ADAMTS17: variants seen among roughly 807,000 people sequenced by gnomAD.
ADAMTS17 encodes the protein A disintegrin and metalloproteinase with thrombospondin motifs 17.
Under a neutral mutation model 141.5 loss-of-function variants are expected in ADAMTS17, and 113 were observed. That is an observed-to-expected ratio of 0.80 (90% CI 0.69 to 0.93). ADAMTS17 has a LOEUF of 0.93. ADAMTS17 is among the 40% of genes least tolerant of loss of function. The probability of loss-of-function intolerance (pLI) is 0.00; values close to 1 mark genes in which losing one functional copy is unlikely to be tolerated. For synonymous variants in ADAMTS17, 768 were observed against 630.6 expected, an observed-to-expected ratio of 1.22 and a Z score of -3.27; for missense variants, 1,659 against 1,517.9, an observed-to-expected ratio of 1.09 and a Z score of -1.54.
chr15:100,268,128 G>A (rs548510294), intron 4 of ADAMTS17, among the ~76,000 whole-genome samples: 1 of 85,042 alleles, frequency 1.2e-5, no homozygotes, highest in Admixed American at 1.6e-4. Context: ...AAGGACGTGA[G>A]TTGTTCTTTT....
At chr15:100,056,542 G>T (rs1001682490) in intron 15 of ADAMTS17, among the ~76,000 whole-genome samples, 1 of 152,100 alleles carries the variant, frequency 6.6e-6, no homozygotes, top group Non-Finnish European at 1.5e-5. Flanking sequence ...TCCCTTGCAC[G>T]TGCCATTCAC....
In ADAMTS17 at chr15:99,997,998, T is replaced by C. The variant is rs2060839635; in HGVS notation, c.2592-409A>G. ...GTTTGGCTCTGATTCTCTTTACTTC[T>C]TACCCTCTGCTGGGAGAACAGTCCC... On this transcript the variant is annotated intron_variant, in intron 18 of 21. Transcript: ENST00000268070. This position sits in a 1 kb window ranked among gnomAD's most constrained non-coding sequence, Gnocchi z 4.7. Among the ~76,000 whole-genome samples the C allele has an allele frequency of 6.6e-6, 1 of 152,184 alleles. No individual in the cohort carries two copies.
chr15:100,301,579 C>T (rs921997198), intron 3 of ADAMTS17, among the ~76,000 whole-genome samples: 1 of 151,316 alleles, frequency 6.6e-6, no homozygotes, highest in East Asian at 1.9e-4. Context: ...TTGTGATCCA[C>T]CTCAGCCTCC....
At chr15:100,078,215 CTTTTTT>C (rs201915809) in intron 15 of ADAMTS17, among the ~76,000 whole-genome samples, 1 of 141,778 alleles carries the variant, frequency 7.1e-6, no homozygotes, top group African/African-American at 2.5e-5. Context: ...AAAATCCCAG[CTTTTTT>C]TTTTTTTTGC....
chr15:100,127,150 CGGTG>C (rs1288958389), intron 12 of ADAMTS17, among the ~76,000 whole-genome samples: 1 of 152,118 alleles, frequency 6.6e-6, no homozygotes, highest in African/African-American at 2.4e-5. Flanking sequence ...GGGGGCTGAA[CGGTG>C]GGTCCCCTCG....
At chr15:99,984,594 G>C (rs745692466) in intron 20 of ADAMTS17, among the ~76,000 whole-genome samples, 7 of 152,150 alleles carry the variant, frequency 4.6e-5, no homozygotes, top group Non-Finnish European at 7.3e-5. Flanking sequence ...CCAGCACTGG[G>C]GTGAATGCTA....
chr15:100,314,688 GA>G lies in ADAMTS17; in HGVS notation c.616+16200del, dbSNP rs944643245. On this transcript the variant is annotated intron_variant, in intron 3 of 21. Transcript: ENST00000268070. ...AGTTATTTTTGAGTCTGGGTGACTG[GA>G]AAAAAAACTGGTGAGAACATGGACA... Among the ~76,000 whole-genome samples the G allele has an allele frequency of 8.3e-4, 127 of 152,104 alleles. 1 individual carries two copies. Among genetic ancestry groups the G allele is most frequent in the South Asian group, 3.5e-3 (17 of 4,812 alleles).
chr15:100,294,729 C>T (rs188750411), intron 3 of ADAMTS17, among the ~76,000 whole-genome samples: 1 of 152,280 alleles, frequency 6.6e-6, no homozygotes, highest in Non-Finnish European at 1.5e-5. Context: ...GTAAGAGGGG[C>T]TCCCCAACAT....
At chr15:100,271,130 T>C (rs866214923) in intron 4 of ADAMTS17, among the ~76,000 whole-genome samples, 1 of 152,194 alleles carries the variant, frequency 6.6e-6, no homozygotes, top group Admixed American at 6.5e-5. Flanking sequence ...GCTATATTTA[T>C]TTACCTACGC....
intron 10 of ADAMTS17, among the ~76,000 whole-genome samples, chr15:100,141,125 G>A (rs1410324386): frequency 6.6e-6 from 1 of 152,182 alleles, no homozygotes; most frequent in East Asian, 1.9e-4. Flanking sequence ...CACCTCACTG[G>A]CTACGCTTAC....
At chr15:100,241,486 T>C (rs753667775) in intron 7 of ADAMTS17, among the ~76,000 whole-genome samples, 22 of 152,216 alleles carry the variant, frequency 1.4e-4, no homozygotes, top group Non-Finnish European at 2.5e-4. Context: ...AAACAAAGCC[T>C]CAAATCTCAG....
At chr15:100,227,489 T>A (rs2042347210) in intron 7 of ADAMTS17, among the ~76,000 whole-genome samples, 1 of 152,222 alleles carries the variant, frequency 6.6e-6, no homozygotes, top group African/African-American at 2.4e-5. Flanking sequence ...AAACAATGGT[T>A]TAATCAGAGA....
chr15:100,245,591 C>G, intron 7 of ADAMTS17, among the ~76,000 whole-genome samples: 1 of 152,202 alleles, frequency 6.6e-6, no homozygotes, highest in East Asian at 1.9e-4. Context: ...ATTATGTAAC[C>G]TTAGACACAA....
At chr15:100,017,794 C>T (rs1246979510) in intron 18 of ADAMTS17, among the ~76,000 whole-genome samples, 1 of 152,204 alleles carries the variant, frequency 6.6e-6, no homozygotes, top group Non-Finnish European at 1.5e-5. Context: ...CTTGTTCTTG[C>T]AGGTTCTAGA....
At chr15:100,127,209 T>C (rs2037783543) in intron 12 of ADAMTS17, among the ~76,000 whole-genome samples, 1 of 152,130 alleles carries the variant, frequency 6.6e-6, no homozygotes, top group African/African-American at 2.4e-5. Context: ...GAGACCTTAT[T>C]TGGCAAAAGG....
At chr15:100,217,895 T>C (rs184235633) in intron 7 of ADAMTS17, among the ~76,000 whole-genome samples, 172 of 152,340 alleles carry the variant, frequency 1.1e-3, no homozygotes, top group Middle Eastern at 0.01. Context: ...GACTGAATGA[T>C]TGACTGATTA....
intron 18 of ADAMTS17, among the ~76,000 whole-genome samples, chr15:100,040,078 T>A (rs1318530022): frequency 6.6e-6 from 1 of 152,240 alleles, no homozygotes; most frequent in African/African-American, 2.4e-5. Context: ...TATATAAGTA[T>A]ACACTCAGAA....
chr15:100,048,246 C>T (rs759274085), intron 18 of ADAMTS17, among the ~76,000 whole-genome samples: 7 of 152,152 alleles, frequency 4.6e-5, no homozygotes, highest in South Asian at 2.1e-4. Flanking sequence ...CATGCCACAA[C>T]GTAATGGATT....
Position 100,139,048 on chromosome 15 carries a change from T to A in ADAMTS17, c.1474-5733A>T, listed in dbSNP as rs191022115. On this transcript the variant is annotated intron_variant, in intron 10 of 21. Coordinates refer to ENST00000268070, the MANE Select transcript of ADAMTS17 (RefSeq NM_139057.4). ...TGCAAATTGATTGGTTATATAACTC[T>A]GCATTTGTCAAATTTCAAAGACTGG... Among the ~76,000 whole-genome samples the A allele has an allele frequency of 2.6e-4, 39 of 152,266 alleles. 1 individual carries two copies. In the East Asian group the frequency reaches 6.4e-3, roughly 25 times the overall value.
Sources: allele counts gnomAD v4.1 joint callset (sites outside exome capture counted in the v4.1 genomes callset), GRCh38; gene constraint gnomAD v4.1.1; non-coding constraint Gnocchi (gnomAD v3.1); transcripts MANE v1.5; gene names NCBI Gene and HGNC (gene_info 2026-07-23, HGNC 2026-07-21).